ASB3: variants seen among roughly 807,000 people sequenced by gnomAD.
ASB3 encodes the protein ankyrin repeat and SOCS box containing 3.
Under a neutral mutation model 54.5 loss-of-function variants are expected in ASB3, and 41 were observed. That is an observed-to-expected ratio of 0.75 (90% CI 0.59 to 0.98). ASB3 has a LOEUF of 0.98. ASB3 is among the 50% of genes least tolerant of loss of function. The pLI is 0.00. For synonymous variants in ASB3, 266 were observed against 221.2 expected, an observed-to-expected ratio of 1.20 and a Z score of -1.80; for missense variants, 733 against 620.0, an observed-to-expected ratio of 1.18 and a Z score of -1.94.
chr2:53,674,303 T>G (rs539304327), intron 9 of ASB3, among the ~76,000 whole-genome samples: 72 of 152,346 alleles, frequency 4.7e-4, no homozygotes, highest in South Asian at 3.1e-3. Context: ...CCAATCATTT[T>G]TATTCAATAT....
chr2:53,712,285 C>T (rs560944772), intron 7 of ASB3, among the ~76,000 whole-genome samples: 1 of 151,906 alleles, frequency 6.6e-6, no homozygotes, highest in Admixed American at 6.6e-5. Flanking sequence ...GTAAATGCCA[C>T]TAAATACTGT....
At chr2:53,704,359 C>CAA (rs10547453) in intron 7 of ASB3, among the ~76,000 whole-genome samples, 160 of 110,540 alleles carry the variant, frequency 1.4e-3, no homozygotes, top group South Asian at 8.8e-3. Flanking sequence ...GAGACTGTCT[C>CAA]AAAAAAAAAA....
At chr2:53,720,447 A>G (rs985333585) in intron 5 of ASB3, among the ~76,000 whole-genome samples, 2 of 152,186 alleles carry the variant, frequency 1.3e-5, no homozygotes, top group East Asian at 1.9e-4. Context: ...CCCCATTTCT[A>G]TTCAAGAAAA....
chr2:53,706,249 T>C (rs1669762531), intron 7 of ASB3, among the ~76,000 whole-genome samples: 1 of 152,174 alleles, frequency 6.6e-6, no homozygotes, highest in South Asian at 2.1e-4. Context: ...CACAAGGCAT[T>C]GAGGAAGACT....
intron 1 of ASB3, chr2:53,774,610 G>C (rs1281894650): frequency 1.0e-6 from 1 of 993,468 alleles, no homozygotes; most frequent in Non-Finnish European, 1.4e-6. Context: ...TTTTAATGTA[G>C]TGAGGATATT....
intron 3 of ASB3, among the ~76,000 whole-genome samples, chr2:53,734,409 A>C (rs1238826589): frequency 6.6e-6 from 1 of 152,120 alleles, no homozygotes; most frequent in Non-Finnish European, 1.5e-5. Flanking sequence ...TTTACCACTG[A>C]ACTACCCCCA....
intron 3 of ASB3, among the ~76,000 whole-genome samples, chr2:53,729,852 G>C (rs985896073): frequency 1.3e-5 from 2 of 152,216 alleles, no homozygotes; most frequent in African/African-American, 2.4e-5. Flanking sequence ...CCTAGCTCTA[G>C]TTTGTTAAAA....
At chr2:53,716,881 T>C (rs1670427607) in intron 5 of ASB3, 138 bp from the exon 6 acceptor site, 3 of 992,180 alleles carry the variant, frequency 3.0e-6, no homozygotes, top group Non-Finnish European at 4.2e-6. Context: ...GATGTTGTTA[T>C]ATAAACATAT....
In ASB3 at chr2:53,716,750, G is replaced by T. The variant is rs755429279; in HGVS notation, c.605-7C>A. 4.4e-6 allele frequency: 7 copies of T among 1,605,486 alleles called. No individual in the cohort carries two copies. The highest frequency in any genetic ancestry group is 4.3e-6 in the Non-Finnish European group (5 of 1,174,810). The stretch of plus-strand genomic sequence containing the variant: ...TGACAATTGACATTTGCACCTAAGG[G>T]TACAAAATAAAACATTTAACAGATA... On this transcript the variant is annotated splice_polypyrimidine_tract_variant and splice_region_variant and intron_variant, in intron 5 of 9. Coordinates refer to ENST00000263634, the MANE Select transcript of ASB3 (RefSeq NM_016115.5).
intron 9 of ASB3, among the ~76,000 whole-genome samples, chr2:53,686,774 T>C (rs981105121): frequency 6.6e-6 from 1 of 152,200 alleles, no homozygotes; most frequent in Non-Finnish European, 1.5e-5. Flanking sequence ...TGGAGTGCAA[T>C]GGCACAATCT....
intron 9 of ASB3, among the ~76,000 whole-genome samples, chr2:53,689,964 G>A (rs988392248): frequency 9.2e-5 from 14 of 152,172 alleles, no homozygotes; most frequent in African/African-American, 3.4e-4. Context: ...TAGGCACAGT[G>A]TCTCATGCCT....
intron 9 of ASB3, 143 bp downstream of exon 9, chr2:53,693,741 C>T: frequency 2.6e-6 from 3 of 1,159,796 alleles, no homozygotes; most frequent in Admixed American, 3.1e-5. Context: ...CCCTAACAAC[C>T]CCATCTTTTC....
intron 8 of ASB3, among the ~76,000 whole-genome samples, chr2:53,695,400 AT>A (rs1461297124): frequency 1.3e-5 from 2 of 152,196 alleles, no homozygotes; most frequent in African/African-American, 4.8e-5. Context: ...CTGAGGATAA[AT>A]GAAATGATAC....
At chr2:53,679,880 C>A (rs1264286490) in intron 9 of ASB3, among the ~76,000 whole-genome samples, 3 of 151,876 alleles carry the variant, frequency 2.0e-5, no homozygotes, top group Non-Finnish European at 2.9e-5. Flanking sequence ...TTATTTTTTC[C>A]TGGTCCTCTC....
intron 9 of ASB3, among the ~76,000 whole-genome samples, chr2:53,687,599 T>G (rs998612035): frequency 4.6e-5 from 7 of 152,172 alleles, no homozygotes; most frequent in African/African-American, 1.7e-4. Flanking sequence ...ATGGCCCCCA[T>G]GATAGACAAA....
Position 53,765,425 on chromosome 2 carries a change from C to T in ASB3, c.148G>A (p.Ala50Thr). ...DNRGWMPIHEAAYHNSVECLQ... is the reference protein window; with the variant it reads ...DNRGWMPIHETAYHNSVECLQ... ...CATTCTACAGAGTTGTGATAAGCTG[C>T]TTCATGAATTGGCATCCATCCCCTG... Residue 50 changes from alanine to threonine, a missense_variant, in exon 2 of 10, where the codon GCA (alanine) becomes ACA (threonine). Ala to Thr is a moderately conservative substitution (Grantham distance 58, BLOSUM62 0). Transcript: ENST00000263634. 1 of 1,614,222 alleles carries T rather than the reference C, an allele frequency of 6.2e-7. No individual in the cohort carries two copies. Among genetic ancestry groups the T allele is most frequent in the Non-Finnish European group, 8.5e-7 (1 of 1,180,030 alleles).
At chr2:53,710,190 A>T (rs1670011397) in intron 7 of ASB3, among the ~76,000 whole-genome samples, 1 of 152,256 alleles carries the variant, frequency 6.6e-6, no homozygotes, top group Non-Finnish European at 1.5e-5. Flanking sequence ...GTGCCACGCC[A>T]GTCTGCACGC....
At chr2:53,672,680 A>G (rs1667879498) in intron 9 of ASB3, among the ~76,000 whole-genome samples, 1 of 152,220 alleles carries the variant, frequency 6.6e-6, no homozygotes, top group Admixed American at 6.5e-5. Context: ...TATGGCTTGC[A>G]GTTTATTTAT....
rs13390832 is a variant in ASB3, at chr2:53,778,986, A to C, written c.-14+7835T>G. Among the ~76,000 whole-genome samples the C allele has an allele frequency of 9.0e-3, 1,365 of 152,286 alleles. 24 individuals are homozygous for C. The highest frequency in any genetic ancestry group is 0.031 in the African/African-American group (1,289 of 41,562). ...ACTGTTTTCCATAACGGTTGTACTA[A>C]TTTACATTGCCATTAACAGTGTACA... On this transcript the variant is annotated intron_variant, in intron 1 of 9. Transcript: ENST00000263634.
Sources: gnomAD v4.1 joint callset for allele counts (sites outside exome capture counted in the v4.1 genomes callset) on GRCh38, gnomAD v4.1.1 for gene constraint, MANE v1.5 for transcripts, NCBI Gene and HGNC (gene_info 2026-07-23, HGNC 2026-07-21) for gene names.